Variants in LRRC9 observed in about 807,000 individuals in gnomAD.
The protein encoded by LRRC9 is leucine rich repeat containing 9.
A neutral mutation model predicts 63.2 loss-of-function variants in LRRC9; 122 were observed. The ratio of observed to expected loss-of-function variants is 1.93; its 90% confidence interval spans 1.67 to 2.24. The LOEUF (loss-of-function observed/expected upper bound fraction) is 2.24, where lower values mean the gene tolerates loss of function less well. Ranked by LOEUF, LRRC9 falls within the 30% of genes most tolerant of loss-of-function variation. The pLI is 0.00. For synonymous variants in LRRC9, 366 were observed against 213.1 expected (o/e 1.72, Z -6.25); for missense variants, 1,071 against 627.7 (o/e 1.71, Z -7.55).
chr14:60,033,077 ATTG>A (rs1298773901), intron 29 of LRRC9, among the ~76,000 whole-genome samples: 1 of 152,058 alleles, frequency 6.6e-6, no homozygotes, highest in African/African-American at 2.4e-5. Context: ...GGTTAGATTT[ATTG>A]TTGTTTTAAT....
At chr14:60,022,555 T>C (rs909895082) in intron 26 of LRRC9, among the ~76,000 whole-genome samples, 179 bp from the exon 27 acceptor site, 1 of 151,796 alleles carries the variant, frequency 6.6e-6, no homozygotes, top group African/African-American at 2.4e-5. Context: ...CCATTCTTTT[T>C]AAAGAATAAG....
intron 29 of LRRC9, among the ~76,000 whole-genome samples, chr14:60,049,265 G>A (rs1316861254): frequency 6.6e-6 from 1 of 152,128 alleles, no homozygotes; most frequent in Admixed American, 6.5e-5. Flanking sequence ...TTTAAGGTTA[G>A]TATTGTTATG....
intron 10 of LRRC9, among the ~76,000 whole-genome samples, chr14:59,963,742 A>G (rs1262097789): frequency 6.6e-6 from 1 of 152,214 alleles, no homozygotes; most frequent in African/African-American, 2.4e-5. Context: ...CTGCCTCTTT[A>G]TAAAGATTTC....
intron 29 of LRRC9, among the ~76,000 whole-genome samples, chr14:60,045,104 T>C (rs1162492913): frequency 6.7e-6 from 1 of 149,116 alleles, no homozygotes; most frequent in Non-Finnish European, 1.5e-5. Flanking sequence ...TTATCTAATA[T>C]AAGTATAGTT....
intron 30 of LRRC9, among the ~76,000 whole-genome samples, chr14:60,054,840 T>A (rs1459951164): frequency 1.3e-5 from 2 of 152,136 alleles, no homozygotes; most frequent in African/African-American, 4.8e-5. Context: ...TGGCTCACTG[T>A]AACCTCTGCC....
intron 31 of LRRC9, among the ~76,000 whole-genome samples, chr14:60,061,738 C>T (rs1408478707): frequency 6.6e-6 from 1 of 152,168 alleles, no homozygotes; most frequent in Admixed American, 6.5e-5. Context: ...ACATTTATTA[C>T]AGCATGCAGG....
At chr14:59,989,654 CT>C (rs1201885101) in intron 17 of LRRC9, among the ~76,000 whole-genome samples, 3 of 151,996 alleles carry the variant, frequency 2.0e-5, no homozygotes, top group African/African-American at 7.2e-5. Flanking sequence ...TTCTGGTGTA[CT>C]TTTTTGCTAC....
At chr14:59,934,587 A>G (rs1889977199) in intron 6 of LRRC9, among the ~76,000 whole-genome samples, 2 of 152,194 alleles carry the variant, frequency 1.3e-5, no homozygotes, top group South Asian at 4.1e-4. Flanking sequence ...GATAGAAATC[A>G]GAGACACTGA....
chr14:59,995,019 G>T (rs972173271), intron 17 of LRRC9, among the ~76,000 whole-genome samples: 1 of 131,568 alleles, frequency 7.6e-6, no homozygotes, highest in African/African-American at 2.6e-5. Flanking sequence ...AAAAAAAAAA[G>T]AAAATAAATG....
At chr14:60,013,882 G>T (rs1354466786) in intron 23 of LRRC9, among the ~76,000 whole-genome samples, 1 of 152,038 alleles carries the variant, frequency 6.6e-6, no homozygotes, top group Non-Finnish European at 1.5e-5. Context: ...TTTAATTGAT[G>T]AACGAAGACC....
intron 15 of LRRC9, among the ~76,000 whole-genome samples, chr14:59,981,052 G>A (rs986182387): frequency 2.0e-5 from 3 of 151,730 alleles, no homozygotes; most frequent in East Asian, 1.9e-4. Flanking sequence ...GTTAAATATC[G>A]GGTGTTCCAA....
At chr14:59,984,567 A>G (rs1887262819) in intron 16 of LRRC9, among the ~76,000 whole-genome samples, 1 of 152,168 alleles carries the variant, frequency 6.6e-6, no homozygotes, top group African/African-American at 2.4e-5. Context: ...TGGACAAGAA[A>G]AGTCTGGGCC....
chr14:60,054,542 T>C (rs1380426447), intron 30 of LRRC9, among the ~76,000 whole-genome samples: 1 of 152,180 alleles, frequency 6.6e-6, no homozygotes, highest in Non-Finnish European at 1.5e-5. Flanking sequence ...GTTCAGATTT[T>C]TTCCACATGC....
At chr14:60,007,944 A>T (rs1471201379) in intron 22 of LRRC9, 148 bp from the exon 23 acceptor site, 22 of 63,412 alleles carry the variant, frequency 3.5e-4, no homozygotes, top group Non-Finnish European at 5.9e-4. Flanking sequence ...TGTCTTTAAA[A>T]AAAAAAAAAA....
chr14:59,947,921 T>A (rs1312422869), intron 8 of LRRC9, among the ~76,000 whole-genome samples: 1 of 151,948 alleles, frequency 6.6e-6, no homozygotes, highest in African/African-American at 2.4e-5. Context: ...CCTTGTAGTA[T>A]AGTTTGAAGT....
rs1214443164 is a variant in LRRC9 at position 59,927,913 on chromosome 14, A to G, written c.-31A>G. 4.6e-6 allele frequency: 3 copies of G among 655,162 alleles called. No homozygotes were observed. The highest frequency in any genetic ancestry group is 2.7e-6 in the Non-Finnish European group (1 of 368,810). 40.6% of individuals were successfully genotyped at this position (655,162 alleles called of 1,614,324 possible). On this transcript the variant is annotated splice_region_variant and 5_prime_UTR_variant, in exon 2 of 32. Transcript: ENST00000445360. This position sits in a 1 kb window ranked among gnomAD's most constrained non-coding sequence, Gnocchi z 4.4. Reference sequence around the variant, plus strand: ...CATTTTTTCATTTTCCTTAAAAGTTATAATATTATGATCACTGTTTTTAAT... The same window carrying G: ...CATTTTTTCATTTTCCTTAAAAGTTGTAATATTATGATCACTGTTTTTAAT...
intron 7 of LRRC9, among the ~76,000 whole-genome samples, chr14:59,943,470 G>GAA (rs200962584): frequency 1.3e-5 from 2 of 150,082 alleles, no homozygotes; most frequent in Non-Finnish European, 3.0e-5. Context: ...AAATAGGCAA[G>GAA]AAAAAAAAAC....
chr14:60,041,665 G>C (rs532936778), intron 29 of LRRC9, among the ~76,000 whole-genome samples: 44 of 152,194 alleles, frequency 2.9e-4, no homozygotes, highest in Admixed American at 5.2e-4. Flanking sequence ...AAGGTTTTTA[G>C]CTTATTTGTG....
chr14:60,036,080 T>C (rs756773224), intron 29 of LRRC9, among the ~76,000 whole-genome samples: 33 of 152,226 alleles, frequency 2.2e-4, no homozygotes, highest in East Asian at 3.9e-4. Context: ...AAGGGTTGGA[T>C]GTGAAGAGGG....
Sources: allele counts gnomAD v4.1 joint callset (sites outside exome capture counted in the v4.1 genomes callset), GRCh38; gene constraint gnomAD v4.1.1; non-coding constraint Gnocchi (gnomAD v3.1); transcripts MANE v1.5; gene names NCBI Gene and HGNC (gene_info 2026-07-23, HGNC 2026-07-21).